Variants in LPGAT1 observed in about 807,000 individuals in gnomAD.
LPGAT1 encodes lysophosphatidylglycerol acyltransferase 1, also known as acyl-CoA:lysophosphatidylglycerol acyltransferase 1.
LPGAT1 carries 11 observed loss-of-function variants against 47.5 expected under a neutral mutation model. The observed-to-expected ratio is 0.23, with a 90% CI of 0.15 to 0.38. The LOEUF (loss-of-function observed/expected upper bound fraction) is 0.38, where lower values mean the gene tolerates loss of function less well. Among genes scored for constraint, LPGAT1 ranks in the 10% least tolerant of loss-of-function variants. The pLI is 1.00. For missense variants in LPGAT1, 293 were observed against 439.0 expected, an observed-to-expected ratio of 0.67 and a Z score of 2.97; for synonymous variants, 138 against 144.2, an observed-to-expected ratio of 0.96 and a Z score of 0.31.
At chr1:211,780,174 T>A (rs997661110) in intron 5 of LPGAT1, among the ~76,000 whole-genome samples, 1 of 152,158 alleles carries the variant, frequency 6.6e-6, no homozygotes, top group Non-Finnish European at 1.5e-5. Context: ...TGAAACTCCA[T>A]CTCAAAAAGA....
chr1:211,824,931 G>A (rs1215996120), intron 2 of LPGAT1, among the ~76,000 whole-genome samples: 1 of 152,136 alleles, frequency 6.6e-6, no homozygotes, highest in South Asian at 2.1e-4. Context: ...CAGAAAGACA[G>A]GGCAGCTGTC....
chr1:211,829,300 C>G lies in LPGAT1; in HGVS notation c.-4G>C. 13 of 1,614,180 alleles carry G rather than the reference C, an allele frequency of 8.1e-6. No homozygotes were observed. The highest frequency in any genetic ancestry group is 1.0e-5 in the Non-Finnish European group (12 of 1,180,016). The stretch of plus-strand genomic sequence containing the variant: ...CTTCTTCCAAAGTTATAGCCATTCT[C>G]ACACTGGACTCCGTCCTGTCTTTCT... On this transcript the variant is annotated 5_prime_UTR_variant, in exon 2 of 8. An upstream open reading frame in the 5' UTR loses its in-frame stop. Coordinates refer to ENST00000366997, the MANE Select transcript of LPGAT1 (RefSeq NM_014873.3).
At chr1:211,815,773 CT>C (rs938719098) in intron 2 of LPGAT1, among the ~76,000 whole-genome samples, 187 of 101,842 alleles carry the variant, frequency 1.8e-3, no homozygotes, top group South Asian at 5.9e-3. Flanking sequence ...AAATGCTTTT[CT>C]TTTTTTTTTT....
intron 3 of LPGAT1, among the ~76,000 whole-genome samples, chr1:211,788,108 A>G (rs1658960578): frequency 6.6e-6 from 1 of 152,242 alleles, no homozygotes. Flanking sequence ...AAACAAGACT[A>G]TATATTTAAT....
chr1:211,774,132 CTTTTTTTTT>C (rs67342051), intron 6 of LPGAT1, among the ~76,000 whole-genome samples: 2 of 66,818 alleles, frequency 3.0e-5, no homozygotes, highest in Non-Finnish European at 4.9e-5. Context: ...TTTTAAAAGT[CTTTTTTTTT>C]TTTTTTTTTT....
rs969168853 is a variant in LPGAT1, at chr1:211,747,816, T to C, written c.*2083A>G. ...TCTAAATTGAGATTGGTTTCATTTA[T>C]TCACCGACACTGTAGAACACATAAT... On this transcript the variant is annotated 3_prime_UTR_variant, in exon 8 of 8. Transcript: ENST00000366997. The C allele has an allele frequency of 1.3e-5, 2 of 152,622 alleles. No homozygotes were observed. The highest frequency in any genetic ancestry group is 4.8e-5 in the African/African-American group (2 of 41,456). 9.5% of individuals were successfully genotyped at this position (152,622 alleles called of 1,614,324 possible). A position where few individuals can be genotyped will look rare whatever the true frequency, so the allele number is the denominator to read the frequency against.
chr1:211,745,298 TA>T lies in LPGAT1; in HGVS notation c.*4600del, dbSNP rs1656899166. On this transcript the variant is annotated 3_prime_UTR_variant, in exon 8 of 8. Transcript: ENST00000366997. ...AAAATGAAAACCCATCTGTATAAAA[TA>T]AATACAATTTTATAATAACTGTAAA... 3 of 152,434 alleles carry T rather than the reference TA, an allele frequency of 2.0e-5. No homozygotes were observed. Among genetic ancestry groups the T allele is most frequent in the South Asian group, 4.1e-4 (2 of 4,826 alleles). The allele number at this position is 152,434 out of a possible 1,614,324, so 9.4% of individuals were successfully genotyped here. A position where few individuals can be genotyped will look rare whatever the true frequency, so the allele number is the denominator to read the frequency against.
chr1:211,770,530 C>T (rs967342101), intron 6 of LPGAT1, among the ~76,000 whole-genome samples: 2 of 152,136 alleles, frequency 1.3e-5, no homozygotes, highest in African/African-American at 4.8e-5. Flanking sequence ...TTTCAGTCAA[C>T]GACGGACTGC....
chr1:211,830,464 C>T lies in LPGAT1; in HGVS notation c.-28+109G>A. On this transcript the variant is annotated intron_variant, in intron 1 of 7. Transcript: ENST00000366997. This position sits in a 1 kb window ranked among gnomAD's most constrained non-coding sequence, Gnocchi z 5.9. ...GCGCCCTCGTCCCTCAGGCCGCTGC[C>T]GCCTCCCCGGGCCACGCGACGACGA... The T allele has an allele frequency of 8.5e-7, 1 of 1,183,102 alleles. No homozygotes were observed. The highest frequency in any genetic ancestry group is 1.0e-6 in the Non-Finnish European group (1 of 954,464). 73.3% of individuals were successfully genotyped at this position (1,183,102 alleles called of 1,614,324 possible).
chr1:211,793,632 C>T (rs892263296), intron 2 of LPGAT1, among the ~76,000 whole-genome samples: 2 of 152,070 alleles, frequency 1.3e-5, no homozygotes, highest in African/African-American at 4.8e-5. Context: ...GGGGTTTCAC[C>T]ATATTGGCCA....
chr1:211,800,386 C>T (rs1005322251), intron 2 of LPGAT1, among the ~76,000 whole-genome samples: 14 of 151,986 alleles, frequency 9.2e-5, no homozygotes, highest in Admixed American at 6.6e-5. Context: ...GCAATGACTT[C>T]CTAACTAGTC....
chr1:211,822,671 G>A (rs899220387), intron 2 of LPGAT1, among the ~76,000 whole-genome samples: 3 of 151,896 alleles, frequency 2.0e-5, no homozygotes, highest in African/African-American at 7.3e-5. Context: ...CCAGCTACTC[G>A]GGAGGCTGAG....
At chr1:211,775,150 A>G (rs1658344924) in intron 6 of LPGAT1, among the ~76,000 whole-genome samples, 1 of 152,160 alleles carries the variant, frequency 6.6e-6, no homozygotes. Flanking sequence ...AAGTAAATGT[A>G]TTATAGAAAA....
intron 6 of LPGAT1, among the ~76,000 whole-genome samples, chr1:211,761,965 A>G (rs1451004512): frequency 1.3e-5 from 2 of 152,156 alleles, no homozygotes; most frequent in African/African-American, 4.8e-5. Context: ...CTCTGGTCTA[A>G]GAAGGCCATA....
chr1:211,825,067 G>T (rs753138620), intron 2 of LPGAT1, among the ~76,000 whole-genome samples: 1 of 151,732 alleles, frequency 6.6e-6, no homozygotes, highest in East Asian at 1.9e-4. Context: ...AAGTCCCCTG[G>T]CATTTCAGCT....
rs192167024 is a variant in LPGAT1 at position 211,758,596 on chromosome 1, G to A, written c.855-7529C>T. The stretch of plus-strand genomic sequence containing the variant: ...TGGATGCCTGTAGTCCCAGCTACTC[G>A]GGAGGCTGAGGCAGGAGAATGGCAT... On this transcript the variant is annotated intron_variant, in intron 6 of 7. Coordinates refer to ENST00000366997, the MANE Select transcript of LPGAT1 (RefSeq NM_014873.3). Among the ~76,000 whole-genome samples the A allele has an allele frequency of 3.5e-3, 533 of 152,156 alleles. 1 individual carries two copies. The highest frequency in any genetic ancestry group is 0.011 in the African/African-American group (474 of 41,514).
At position 211,830,109 on chromosome 1, in the gene LPGAT1, C is replaced by G. The variant is rs867879525; in HGVS notation, c.-28+464G>C. ...AAGAGGCGACCGCAGCGCGGGGAGC[C>G]GGTGGAGCCTGCAGCGGTTTCCGCG... On this transcript the variant is annotated intron_variant, in intron 1 of 7. Coordinates refer to ENST00000366997, the MANE Select transcript of LPGAT1 (RefSeq NM_014873.3). This position sits in a 1 kb window ranked among gnomAD's most constrained non-coding sequence, Gnocchi z 5.9. 6.5e-5 allele frequency: 64 copies of G among 984,498 alleles called. No individual in the cohort carries two copies. The African/African-American group carries it at 1.0e-3, about 16-fold the overall frequency. The allele number at this position is 984,498 out of a possible 1,614,324, so 61.0% of individuals were successfully genotyped here. A position where few individuals can be genotyped will look rare whatever the true frequency, so the allele number is the denominator to read the frequency against.
chr1:211,822,759 C>T (rs1331947442), intron 2 of LPGAT1, among the ~76,000 whole-genome samples: 3 of 136,512 alleles, frequency 2.2e-5, no homozygotes, highest in African/African-American at 5.6e-5. Context: ...GCCTGGGTGA[C>T]AGAGCAAGAC....
intron 2 of LPGAT1, among the ~76,000 whole-genome samples, chr1:211,818,971 G>A (rs963560070): frequency 1.3e-5 from 2 of 152,152 alleles, no homozygotes; most frequent in African/African-American, 4.8e-5. Flanking sequence ...AAATTAATTA[G>A]ATGGTAAAAT....
Sources: allele counts gnomAD v4.1 joint callset (sites outside exome capture counted in the v4.1 genomes callset), GRCh38; gene constraint gnomAD v4.1.1; non-coding constraint Gnocchi (gnomAD v3.1); transcripts MANE v1.5; gene names NCBI Gene and HGNC (gene_info 2026-07-23, HGNC 2026-07-21).